The following BAZ1B variants were observed in gnomAD, a reference collection of about 807,000 sequenced individuals.
The protein encoded by BAZ1B is bromodomain adjacent to zinc finger domain 1B.
In BAZ1B, 22 loss-of-function variants were observed where a neutral mutation model predicts 153.8. The ratio of observed to expected loss-of-function variants is 0.14; its 90% CI spans 0.10 to 0.20. The LOEUF (loss-of-function observed/expected upper bound fraction) is 0.20, where lower values mean the gene tolerates loss of function less well. Among genes scored for constraint, BAZ1B ranks in the 10% least tolerant of loss-of-function variants. The pLI is 1.00. For synonymous variants in BAZ1B, 676 were observed against 633.4 expected (o/e 1.07, Z -1.01); for missense variants, 1,325 against 1,799.3 (o/e 0.74, Z 4.77).
At chr7:73,447,209 C>A in intron 16 of BAZ1B, 55 bp downstream of exon 16, 1 of 1,611,920 alleles carries the variant, frequency 6.2e-7, no homozygotes, top group East Asian at 2.2e-5. Flanking sequence ...CCTTTCCAAG[C>A]GTTCCAAGCT....
chr7:73,508,672 G>C (rs1790446836), intron 2 of BAZ1B, among the ~76,000 whole-genome samples: 1 of 152,102 alleles, frequency 6.6e-6, no homozygotes. Context: ...CTACCTCTCA[G>C]GTAGCTGGGA....
chr7:73,490,272 T>G (rs576981812), intron 5 of BAZ1B, among the ~76,000 whole-genome samples: 1 of 152,100 alleles, frequency 6.6e-6, no homozygotes, highest in Non-Finnish European at 1.5e-5. Flanking sequence ...TGGAAGAAAA[T>G]TTAATGACAT....
At chr7:73,496,778 G>A (rs547935683) in intron 4 of BAZ1B, among the ~76,000 whole-genome samples, 97 of 152,148 alleles carry the variant, frequency 6.4e-4, no homozygotes, top group South Asian at 8.3e-4. Context: ...AGAAAAAAGT[G>A]CAACTGACCC....
intron 10 of BAZ1B, 36 bp downstream of exon 10, chr7:73,466,260 A>T: frequency 6.8e-7 from 1 of 1,469,200 alleles, no homozygotes; most frequent in Non-Finnish European, 9.5e-7. Context: ...AATTAAAAGG[A>T]AAAAGAAAGA....
chr7:73,507,903 A>G (rs13221253), intron 3 of BAZ1B, among the ~76,000 whole-genome samples: 19,320 of 152,194 alleles, frequency 0.13, 1,321 homozygotes, highest in African/African-American at 0.16. Flanking sequence ...TAGTCCTTAT[A>G]ATAATTGATG....
At position 73,478,439 on chromosome 7, in the gene BAZ1B, T is replaced by G; in HGVS notation, c.1022A>C (p.His341Pro). The change falls in exon 7 of 20, where the codon CAC becomes CCC. Residue 341 changes from histidine to proline, a missense_variant. By Grantham distance (77) the His-to-Pro change is moderately conservative. Coordinates refer to ENST00000339594, the MANE Select transcript of BAZ1B (RefSeq NM_032408.4). ...CGAGCCACTCAATGACTTCTTCAAGTGTACGTGACACCATAACTTAGGATT... is the reference window on the plus strand; with the variant it reads ...CGAGCCACTCAATGACTTCTTCAAGGGTACGTGACACCATAACTTAGGATT... ...PLNPKLWCHV[H>P]LKKSLSGSPL... The G allele has an allele frequency of 1.2e-6, 2 of 1,613,028 alleles. No individual in the cohort carries two copies. The highest frequency in any genetic ancestry group is 1.7e-6 in the Non-Finnish European group (2 of 1,179,564).
intron 7 of BAZ1B, among the ~76,000 whole-genome samples, chr7:73,473,200 G>T (rs782654103): frequency 1.1e-4 from 16 of 152,122 alleles, no homozygotes; most frequent in Non-Finnish European, 1.8e-4. Flanking sequence ...TCAGCCTCCC[G>T]AAGTGTAGGA....
chr7:73,502,023 T>C (rs1430915621), intron 3 of BAZ1B, among the ~76,000 whole-genome samples: 3 of 151,852 alleles, frequency 2.0e-5, no homozygotes, highest in Non-Finnish European at 2.9e-5. Context: ...TCCAAGTAGC[T>C]GGGACTACAG....
chr7:73,487,659 T>C lies in BAZ1B; in HGVS notation c.891+1535A>G, dbSNP rs913883687. On this transcript the variant is annotated intron_variant, in intron 6 of 19. Transcript: ENST00000339594. ...TCATGGAGTTCTCATATAGCGAAGA[T>C]AGGAATCTCATGTGAAGACCACAGA... Among the ~76,000 whole-genome samples the C allele has an allele frequency of 1.7e-4, 26 of 152,278 alleles. 1 individual carries two copies. The highest frequency in any genetic ancestry group is 3.9e-4 in the East Asian group (2 of 5,188).
intron 7 of BAZ1B, among the ~76,000 whole-genome samples, chr7:73,474,793 AG>A (rs1554572538): frequency 6.6e-6 from 1 of 152,192 alleles, no homozygotes; most frequent in Non-Finnish European, 1.5e-5. Context: ...AAAAAGTAAA[AG>A]GACAACACGC....
Position 73,465,493 on chromosome 7 carries a change from C to T in BAZ1B, c.3017G>A (p.Cys1006Tyr). The T allele has an allele frequency of 6.2e-7, 1 of 1,610,426 alleles. No homozygotes were observed. The highest frequency in any genetic ancestry group is 1.1e-5 in the South Asian group (1 of 90,448). The change falls in exon 11 of 20, where the codon TGT (cysteine) becomes TAT (tyrosine). Residue 1006 changes from cysteine to tyrosine, a missense_variant. Coordinates refer to ENST00000339594, the MANE Select transcript of BAZ1B (RefSeq NM_032408.4). Reference protein sequence around the residue: ...SQKELDELLNCLHPQGIRESQ... With the variant: ...SQKELDELLNYLHPQGIRESQ... ...TTCTCTTATTCCCTGAGGGTGAAGA[C>T]AGTTTAGCAACTCATCCAGCTCCTT...
At chr7:73,489,164 C>T (rs1227823220) in intron 6 of BAZ1B, 30 bp downstream of exon 6, 9 of 1,600,004 alleles carry the variant, frequency 5.6e-6, no homozygotes, top group Non-Finnish European at 6.9e-6. Flanking sequence ...ATGCTTTATC[C>T]TGCTGTCCAA....
rs146264629 is a variant in BAZ1B at position 73,514,724 on chromosome 7, T to G, written c.108-3872A>C. On this transcript the variant is annotated intron_variant, in intron 1 of 19. Transcript: ENST00000339594. ...AGGGATCTGAGGTGGGAGGATCACT[T>G]GAGCCCAGGAGGTGGAGGTTGCAGT... Among the ~76,000 whole-genome samples the G allele has an allele frequency of 5.9e-5, 9 of 152,074 alleles. No homozygotes were observed. In the East Asian group the frequency reaches 1.4e-3, roughly 23 times the overall value.
Position 73,450,317 on chromosome 7 carries a change from A to T in BAZ1B, c.3580+530T>A, listed in dbSNP as rs1787989456. ...TCCTTCCAACCTTCATTCTAGAGCG[A>T]TTGAACGCTTTACAGCAACTGAATG... On this transcript the variant is annotated intron_variant, in intron 14 of 19. Coordinates refer to ENST00000339594, the MANE Select transcript of BAZ1B (RefSeq NM_032408.4). The surrounding 1 kb of genome is among the most constrained non-coding windows in gnomAD (Gnocchi z 4.1). 6.6e-6 allele frequency among the ~76,000 whole-genome samples: 1 copy of T among 152,228 alleles called. No homozygotes were observed. The highest frequency in any genetic ancestry group is 1.5e-5 in the Non-Finnish European group (1 of 68,038).
chr7:73,465,335 A>G (rs1554571020), intron 11 of BAZ1B, 104 bp downstream of exon 11: 1 of 721,998 alleles, frequency 1.4e-6, no homozygotes, highest in Non-Finnish European at 2.2e-6. Context: ...CATTTAAAAT[A>G]TTTTACTTTA....
chr7:73,463,225 G>GTTTCTTC lies in BAZ1B; in HGVS notation c.3072-127_3072-126insGAAGAAA, dbSNP rs1788456718. The GTTTCTTC allele has an allele frequency of 1.2e-5, 8 of 687,174 alleles. No individual in the cohort carries two copies. The South Asian group carries it at 1.7e-4, about 15-fold the overall frequency. 42.6% of individuals were successfully genotyped at this position (687,174 alleles called of 1,614,324 possible). ...TAGATCTCTTTCACCTCTCCCTGGT[G>GTTTCTTC]TTTTTTCTTTTTTCTTTTTTTTTTT... is the stretch of plus-strand genomic sequence containing the variant. On this transcript the variant is annotated intron_variant, in intron 11 of 19. Transcript: ENST00000339594.
chr7:73,510,944 C>T (rs1790552229), intron 1 of BAZ1B, 92 bp from the exon 2 acceptor site: 2 of 1,053,964 alleles, frequency 1.9e-6, no homozygotes, highest in Admixed American at 2.1e-5. Context: ...AAAATCTAGT[C>T]TCCTTTTTAA....
At chr7:73,506,680 C>T (rs1351754014) in intron 3 of BAZ1B, among the ~76,000 whole-genome samples, 2 of 148,598 alleles carry the variant, frequency 1.3e-5, no homozygotes, top group Non-Finnish European at 3.0e-5. Context: ...GGAGAGAACC[C>T]GTCTCTACCA....
chr7:73,456,517 T>G (rs1031731683), intron 13 of BAZ1B, among the ~76,000 whole-genome samples: 9 of 151,982 alleles, frequency 5.9e-5, no homozygotes, highest in Admixed American at 5.9e-4. Context: ...CCAAATAAGG[T>G]AGACAAATGG....
Sources: allele counts gnomAD v4.1 joint callset (sites outside exome capture counted in the v4.1 genomes callset), GRCh38; gene constraint gnomAD v4.1.1; non-coding constraint Gnocchi (gnomAD v3.1); transcripts MANE v1.5; gene names NCBI Gene and HGNC (gene_info 2026-07-23, HGNC 2026-07-21).